DGKB: variants seen among roughly 807,000 people sequenced by gnomAD.
DGKB encodes the protein diacylglycerol kinase beta.
In DGKB, 67 loss-of-function variants were observed where a neutral mutation model predicts 114.3. The observed-to-expected ratio is 0.59, with a 90% CI of 0.48 to 0.72. DGKB has a LOEUF of 0.72. Among genes scored for constraint, DGKB ranks in the 30% least tolerant of loss-of-function variants. The probability of loss-of-function intolerance (pLI) is 0.00; values close to 1 mark genes in which losing one functional copy is unlikely to be tolerated. For synonymous variants in DGKB, 398 were observed against 323.1 expected (o/e 1.23, Z -2.49); for missense variants, 907 against 975.2 (o/e 0.93, Z 0.93).
intron 23 of DGKB, among the ~76,000 whole-genome samples, chr7:14,198,558 A>C (rs1223521321): frequency 1.3e-5 from 2 of 152,052 alleles, no homozygotes; most frequent in Non-Finnish European, 2.9e-5. Context: ...CATGGCTTAC[A>C]ATACCTTGAT....
At chr7:14,533,865 A>T (rs1187246420) in intron 20 of DGKB, among the ~76,000 whole-genome samples, 1 of 151,968 alleles carries the variant, frequency 6.6e-6, no homozygotes, top group East Asian at 1.9e-4. Context: ...ATAAACAATA[A>T]CTAAGGGAAA....
chr7:14,213,435 T>C (rs1379135635), intron 23 of DGKB, among the ~76,000 whole-genome samples: 2 of 152,150 alleles, frequency 1.3e-5, no homozygotes, highest in African/African-American at 4.8e-5. Context: ...CACTTTTCTG[T>C]ATGTCTGGGA....
rs184849960 is a variant in DGKB at position 14,367,131 on chromosome 7, C to A, written c.1836-21740G>T. On this transcript the variant is annotated intron_variant, in intron 21 of 25. Coordinates refer to ENST00000402815, the MANE Select transcript of DGKB (RefSeq NM_001350709.2). ...GAACCTCAGCTCCCAGCCACGCTATCTTGAGGGTAAACAAATGATAGTCTA... is the reference window on the plus strand; with the variant it reads ...GAACCTCAGCTCCCAGCCACGCTATATTGAGGGTAAACAAATGATAGTCTA... Among the ~76,000 whole-genome samples, 15 of 152,206 alleles carry A rather than the reference C, an allele frequency of 9.9e-5. No individual in the cohort carries two copies. The East Asian group carries it at 2.9e-3, about 30-fold the overall frequency.
At chr7:14,215,368 G>A (rs1788790732) in intron 23 of DGKB, among the ~76,000 whole-genome samples, 1 of 152,058 alleles carries the variant, frequency 6.6e-6, no homozygotes, top group Non-Finnish European at 1.5e-5. Context: ...TTTATAAAGT[G>A]CCCCACAAAA....
At chr7:14,598,517 C>A (rs1802979487) in intron 17 of DGKB, among the ~76,000 whole-genome samples, 1 of 152,140 alleles carries the variant, frequency 6.6e-6, no homozygotes, top group African/African-American at 2.4e-5. Context: ...TTACTGATTT[C>A]TGCATAGTCA....
chr7:14,685,339 G>A lies in DGKB; in HGVS notation c.735C>T (p.His245=), dbSNP rs1412650214. The A allele has an allele frequency of 1.5e-5, 24 of 1,613,564 alleles. No homozygotes were observed. Among genetic ancestry groups the A allele is most frequent in the Non-Finnish European group, 1.9e-5 (22 of 1,179,560 alleles). ...LENNVKDDGQ[H]VWRLKHFNKP... is the part of the protein sequence containing the mutation. The stretch of plus-strand genomic sequence containing the variant: ...TGTTAAAGTGCTTCAGTCGCCACAC[G>A]TGCTGTCCATCATCCTTCACGTTCT... Residue 245 remains histidine, a synonymous_variant, in exon 10 of 26, where the codon CAC becomes CAT. Transcript: ENST00000402815.
intron 20 of DGKB, among the ~76,000 whole-genome samples, chr7:14,486,280 G>A (rs1416428958): frequency 1.3e-5 from 2 of 152,156 alleles, no homozygotes; most frequent in African/African-American, 4.8e-5. Flanking sequence ...AAAACAGATG[G>A]TGGCCTCTAA....
intron 23 of DGKB, among the ~76,000 whole-genome samples, chr7:14,232,424 T>C (rs777951169): frequency 4.6e-5 from 7 of 151,288 alleles, no homozygotes; most frequent in Admixed American, 1.3e-4. Flanking sequence ...GTTGGCTTAT[T>C]ATTATTATTA....
At chr7:14,728,744 T>C (rs2358026) in intron 5 of DGKB, among the ~76,000 whole-genome samples, 146,492 of 150,742 alleles carry the variant, frequency 0.97, 71,290 homozygotes, top group East Asian at 1. Flanking sequence ...CGCTCTGTCG[T>C]GCAGGCTGGA....
chr7:14,604,161 T>C (rs1804051896), intron 17 of DGKB, among the ~76,000 whole-genome samples: 1 of 152,132 alleles, frequency 6.6e-6, no homozygotes, highest in African/African-American at 2.4e-5. Flanking sequence ...AAAGAGACTA[T>C]TGTTTCAGAC....
intron 20 of DGKB, among the ~76,000 whole-genome samples, chr7:14,508,910 C>T (rs1414073725): frequency 1.3e-5 from 2 of 152,120 alleles, no homozygotes; most frequent in East Asian, 1.9e-4. Context: ...TATGTAGGAA[C>T]ATCACATTCA....
intron 17 of DGKB, among the ~76,000 whole-genome samples, chr7:14,602,262 A>T (rs547656289): frequency 6.6e-6 from 1 of 152,292 alleles, no homozygotes; most frequent in South Asian, 2.1e-4. Flanking sequence ...TCTGATTTAG[A>T]AGATATTTAG....
chr7:14,829,592 T>C (rs1343676797), intron 2 of DGKB, among the ~76,000 whole-genome samples: 2 of 152,118 alleles, frequency 1.3e-5, no homozygotes, highest in African/African-American at 2.4e-5. Context: ...ACTTTAGGAA[T>C]GTCTGTTTCT....
At chr7:14,847,865 A>G (rs2128152170) in intron 1 of DGKB, among the ~76,000 whole-genome samples, 1 of 152,264 alleles carries the variant, frequency 6.6e-6, no homozygotes, top group Middle Eastern at 3.4e-3. Flanking sequence ...AGAAGTAAAG[A>G]AAAAAACTAC....
At chr7:14,563,667 T>A (rs1055637205) in intron 20 of DGKB, among the ~76,000 whole-genome samples, 1 of 151,502 alleles carries the variant, frequency 6.6e-6, no homozygotes, top group Non-Finnish European at 1.5e-5. Context: ...TTTAAGTTGG[T>A]TCTTGGTGGT....
chr7:14,751,165 C>T (rs559613004), intron 4 of DGKB, among the ~76,000 whole-genome samples: 100 of 151,980 alleles, frequency 6.6e-4, no homozygotes, highest in African/African-American at 2.4e-3. Context: ...ACAGATAAAC[C>T]CTAAAAATAA....
At chr7:14,496,331 T>C (rs1196302413) in intron 20 of DGKB, among the ~76,000 whole-genome samples, 1 of 151,698 alleles carries the variant, frequency 6.6e-6, no homozygotes, top group Non-Finnish European at 1.5e-5. Context: ...ATTAAAAATA[T>C]AAAAGTTTAA....
chr7:14,291,142 CA>C (rs373171858), intron 23 of DGKB, among the ~76,000 whole-genome samples: 42 of 86,338 alleles, frequency 4.9e-4, no homozygotes, highest in East Asian at 1.1e-3. Context: ...AACTCCGTCT[CA>C]AAAAAAAAAA....
chr7:14,195,511 G>A (rs1396543414), intron 23 of DGKB, among the ~76,000 whole-genome samples: 3 of 152,108 alleles, frequency 2.0e-5, no homozygotes, highest in Non-Finnish European at 2.9e-5. Flanking sequence ...AGATTAAAAT[G>A]CAATGTAATA....
Sources: gnomAD v4.1 joint callset for allele counts (sites outside exome capture counted in the v4.1 genomes callset) on GRCh38, gnomAD v4.1.1 for gene constraint, MANE v1.5 for transcripts, NCBI Gene and HGNC (gene_info 2026-07-23, HGNC 2026-07-21) for gene names.